The following SLIT3 variants were observed in gnomAD, a reference collection of about 807,000 sequenced individuals.
SLIT3 encodes the protein slit guidance ligand 3.
SLIT3 carries 68 observed loss-of-function variants against 184.0 expected under a neutral mutation model. The observed-to-expected ratio is 0.37, with a 90% CI of 0.30 to 0.45. SLIT3 has a LOEUF of 0.45. Among genes scored for constraint, SLIT3 ranks in the 20% least tolerant of loss-of-function variants. The probability of loss-of-function intolerance (pLI) is 1.00; values close to 1 mark genes in which losing one functional copy is unlikely to be tolerated. For synonymous variants in SLIT3, 831 were observed against 828.6 expected (o/e 1.00, Z -0.05); for missense variants, 1,707 against 2,026.0 (o/e 0.84, Z 3.02).
chr5:169,269,598 T>C (rs1766527519), intron 1 of SLIT3, among the ~76,000 whole-genome samples: 1 of 152,212 alleles, frequency 6.6e-6, no homozygotes, highest in African/African-American at 2.4e-5. Context: ...CCTACTTCAG[T>C]AGAGTGATGA....
chr5:169,205,144 C>T (rs1764027652), intron 3 of SLIT3, among the ~76,000 whole-genome samples: 1 of 152,182 alleles, frequency 6.6e-6, no homozygotes, highest in African/African-American at 2.4e-5. Context: ...GGAATGGTGA[C>T]AAACGACAAA....
At chr5:169,147,734 A>G (rs968571229) in intron 4 of SLIT3, among the ~76,000 whole-genome samples, 1 of 152,144 alleles carries the variant, frequency 6.6e-6, no homozygotes, top group Non-Finnish European at 1.5e-5. Context: ...GAGAGTATAG[A>G]GATACCAGGG....
chr5:169,244,266 G>C (rs757585387), intron 3 of SLIT3, among the ~76,000 whole-genome samples: 1 of 152,260 alleles, frequency 6.6e-6, no homozygotes, highest in Non-Finnish European at 1.5e-5. Context: ...CCCCGCAAGA[G>C]TGGGGCAGAG....
At chr5:168,815,485 A>G (rs1581110449) in intron 8 of SLIT3, among the ~76,000 whole-genome samples, 1 of 151,986 alleles carries the variant, frequency 6.6e-6, no homozygotes, top group South Asian at 2.1e-4. Flanking sequence ...TATTTCTTTC[A>G]CTTATGCCGA....
chr5:168,892,624 T>C (rs896745754), intron 4 of SLIT3, among the ~76,000 whole-genome samples: 1 of 152,236 alleles, frequency 6.6e-6, no homozygotes, highest in Non-Finnish European at 1.5e-5. Flanking sequence ...TGTGAACAGA[T>C]ACCTCTTTGC....
chr5:169,045,727 G>C (rs1757602320), intron 4 of SLIT3, among the ~76,000 whole-genome samples: 1 of 152,174 alleles, frequency 6.6e-6, no homozygotes, highest in African/African-American at 2.4e-5. Flanking sequence ...CCAAACCACA[G>C]CAAGCTCTTC....
At chr5:168,896,497 C>T (rs928829577) in intron 4 of SLIT3, among the ~76,000 whole-genome samples, 17 of 152,070 alleles carry the variant, frequency 1.1e-4, no homozygotes, top group Admixed American at 6.5e-5. Context: ...CAGAGGAACA[C>T]TAAGACTGTA....
chr5:169,079,621 GAGAA>G (rs1758901017), intron 4 of SLIT3, among the ~76,000 whole-genome samples: 1 of 105,046 alleles, frequency 9.5e-6, no homozygotes, highest in African/African-American at 3.7e-5. Flanking sequence ...GGAAGGAGGA[GAGAA>G]GAGGAGGAGG....
At chr5:168,673,368 A>G in intron 32 of SLIT3, 37 bp from the exon 33 acceptor site, 1 of 1,605,218 alleles carries the variant, frequency 6.2e-7, no homozygotes, top group Non-Finnish European at 8.5e-7. Flanking sequence ...CGGAGAGTTC[A>G]CTAAGGGCCT....
At chr5:168,735,107 C>T (rs759231949) in intron 20 of SLIT3, among the ~76,000 whole-genome samples, 1 of 152,188 alleles carries the variant, frequency 6.6e-6, no homozygotes, top group South Asian at 2.1e-4. Context: ...GCCCTCTTGC[C>T]CCACCAGCCT....
At chr5:168,888,510 A>G (rs1760310328) in intron 4 of SLIT3, among the ~76,000 whole-genome samples, 1 of 152,222 alleles carries the variant, frequency 6.6e-6, no homozygotes, top group Admixed American at 6.5e-5. Context: ...ATAGTTCTGA[A>G]TCTACAAGTC....
chr5:168,760,781 G>C (rs914520887), intron 16 of SLIT3, 81 bp downstream of exon 16: 1 of 1,019,796 alleles, frequency 9.8e-7, no homozygotes, highest in South Asian at 1.3e-5. Context: ...GGGAGAGGCC[G>C]GTCCCCTGGT....
intron 11 of SLIT3, among the ~76,000 whole-genome samples, chr5:168,787,387 G>A (rs1756193997): frequency 6.6e-6 from 1 of 152,314 alleles, no homozygotes; most frequent in South Asian, 2.1e-4. Flanking sequence ...GTGGAGGCGG[G>A]CTGAGGCTCT....
At chr5:169,043,536 A>G (rs1757520234) in intron 4 of SLIT3, among the ~76,000 whole-genome samples, 1 of 152,240 alleles carries the variant, frequency 6.6e-6, no homozygotes, top group African/African-American at 2.4e-5. Flanking sequence ...TTGGTTAAGT[A>G]TAACTTGATA....
intron 12 of SLIT3, among the ~76,000 whole-genome samples, chr5:168,781,029 C>T (rs1299245048): frequency 6.6e-6 from 1 of 152,210 alleles, no homozygotes; most frequent in African/African-American, 2.4e-5. Flanking sequence ...AGTGGCTCTT[C>T]CCTTCTCTCC....
chr5:168,943,224 A>G (rs1762377833), intron 4 of SLIT3, among the ~76,000 whole-genome samples: 1 of 152,188 alleles, frequency 6.6e-6, no homozygotes, highest in African/African-American at 2.4e-5. Context: ...ATACACCAGA[A>G]GAAGGGTTTG....
At position 169,138,220 on chromosome 5, in the gene SLIT3, T is replaced by C. The variant is rs570614558; in HGVS notation, c.413+55259A>G. On this transcript the variant is annotated intron_variant, in intron 4 of 35. Transcript: ENST00000519560. Reference sequence around the variant, plus strand: ...ACAGCTCAATATAGCCCTTGCAATATGGGAGCTCTCCCGTAAACGCATGGG... The same window carrying C: ...ACAGCTCAATATAGCCCTTGCAATACGGGAGCTCTCCCGTAAACGCATGGG... Among the ~76,000 whole-genome samples, 7 of 152,322 alleles carry C rather than the reference T, an allele frequency of 4.6e-5. No individual in the cohort carries two copies. The South Asian group carries it at 8.3e-4, about 18-fold the overall frequency.
chr5:168,872,640 C>CTTTTT (rs774066150), intron 5 of SLIT3, among the ~76,000 whole-genome samples: 1,234 of 112,414 alleles, frequency 0.011, 25 homozygotes, highest in Non-Finnish European at 0.017. Flanking sequence ...TCTTCTTCTT[C>CTTTTT]TTTTTTTTTT....
intron 4 of SLIT3, among the ~76,000 whole-genome samples, chr5:169,050,906 G>T (rs144069921): frequency 6.6e-6 from 1 of 152,158 alleles, no homozygotes; most frequent in African/African-American, 2.4e-5. Context: ...TTTATGTTTC[G>T]CATTTAGATT....
Sources: allele counts gnomAD v4.1 joint callset (sites outside exome capture counted in the v4.1 genomes callset), GRCh38; gene constraint gnomAD v4.1.1; transcripts MANE v1.5; gene names NCBI Gene and HGNC (gene_info 2026-07-23, HGNC 2026-07-21).